GPR83: variants seen among roughly 807,000 people sequenced by gnomAD.
GPR83 encodes G-protein coupled receptor 72.
In GPR83, 23 loss-of-function variants were observed where a neutral mutation model predicts 28.0. The ratio of observed to expected loss-of-function variants is 0.82; its 90% CI spans 0.59 to 1.16. The LOEUF is 1.16. GPR83 is among the 50% of genes most tolerant of loss of function. GPR83 has a pLI of 0.00. For missense variants in GPR83, 610 were observed against 536.6 expected, an observed-to-expected ratio of 1.14 and a Z score of -1.35; for synonymous variants, 234 against 215.4, an observed-to-expected ratio of 1.09 and a Z score of -0.76.
At chr11:94,393,051 T>C (rs1591606725) in intron 3 of GPR83, among the ~76,000 whole-genome samples, 2 of 152,108 alleles carry the variant, frequency 1.3e-5, no homozygotes, top group East Asian at 3.9e-4. Context: ...TGATAGCATA[T>C]GATAAACATA....
chr11:94,398,118 C>T (rs1264549588), intron 1 of GPR83, among the ~76,000 whole-genome samples: 1 of 152,196 alleles, frequency 6.6e-6, no homozygotes, highest in Non-Finnish European at 1.5e-5. Flanking sequence ...TGGGGTACCC[C>T]ATTATCTCTC....
At chr11:94,388,386 C>T (rs1466244934) in intron 3 of GPR83, among the ~76,000 whole-genome samples, 5 of 152,118 alleles carry the variant, frequency 3.3e-5, no homozygotes, top group African/African-American at 4.8e-5. Flanking sequence ...TCAAATTGTC[C>T]CTGTTTGCAG....
chr11:94,401,162 G>T lies in GPR83; in HGVS notation c.86C>A (p.Ala29Glu). The change falls in exon 1 of 4, where the codon GCG becomes GAG. Residue 29 changes from alanine (A) to glutamate (E), a missense_variant. By Grantham distance (107) the Ala-to-Glu change is moderately radical (BLOSUM62 -1). Transcript: ENST00000243673. ...PHEGRADEQSAEAALAVPNAS... is the reference protein window; with the variant it reads ...PHEGRADEQSEEAALAVPNAS... ...ATTGGGCACGGCCAGGGCCGCCTCC[G>T]CGCTCTGCTCGTCGGCCCGGCCCTC... The T allele has an allele frequency of 6.2e-7, 1 of 1,614,098 alleles. No individual in the cohort carries two copies. Among genetic ancestry groups the T allele is most frequent in the South Asian group, 1.1e-5 (1 of 91,076 alleles).
chr11:94,380,428 G>C lies in GPR83; in HGVS notation c.993C>G (p.His331Gln). 7 of 1,614,234 alleles carry C rather than the reference G, an allele frequency of 4.3e-6. No individual in the cohort carries two copies. Among genetic ancestry groups the C allele is most frequent in the Non-Finnish European group, 5.1e-6 (6 of 1,180,038 alleles). ...AGCAGGTGCTGCTCATGGCAAACCAGTGGAAGGCAAAGTAGAGGGCATTGT... is the reference window on the plus strand; with the variant it reads ...AGCAGGTGCTGCTCATGGCAAACCACTGGAAGGCAAAGTAGAGGGCATTGT... ...RTNNALYFAF[H>Q]WFAMSSTCYN... The change falls in exon 4 of 4, where the codon CAC becomes CAG. Residue 331 changes from histidine (H) to glutamine (Q), a missense_variant. Physicochemically the swap from His to Gln is conservative, Grantham distance 24. Coordinates refer to ENST00000243673, the MANE Select transcript of GPR83 (RefSeq NM_016540.4).
rs79774577 is a variant in GPR83 at position 94,401,268 on chromosome 11, C to A, written c.-21G>T. ...ACCATTTTGCAGGAGCCACCCCTCC[C>A]CTGGGAGCCTGCGGGCCGGGCGTCC... On this transcript the variant is annotated 5_prime_UTR_variant, in exon 1 of 4. Coordinates refer to ENST00000243673, the MANE Select transcript of GPR83 (RefSeq NM_016540.4). The A allele has an allele frequency of 6.4e-6, 10 of 1,561,374 alleles. No homozygotes were observed. In the Admixed American group the frequency reaches 1.7e-4, roughly 27 times the overall value.
chr11:94,393,367 G>T (rs1944836090), intron 3 of GPR83, 118 bp downstream of exon 3: 2 of 851,218 alleles, frequency 2.3e-6, no homozygotes, highest in Non-Finnish European at 3.9e-6. Context: ...GACTCAGTAA[G>T]ACAGGTACTA....
chr11:94,400,831 A>C, intron 1 of GPR83, 30 bp downstream of exon 1: 2 of 1,604,608 alleles, frequency 1.2e-6, no homozygotes, highest in Non-Finnish European at 1.7e-6. Flanking sequence ...CGAAGACAGA[A>C]GGTGGGGCGG....
Position 94,379,049 on chromosome 11 carries a change from A to T in GPR83, c.*1100T>A, listed in dbSNP as rs1270922381. On this transcript the variant is annotated 3_prime_UTR_variant, in exon 4 of 4. Coordinates refer to ENST00000243673, the MANE Select transcript of GPR83 (RefSeq NM_016540.4). ...GGGAAAGGTACCCCTGTTTCTGTTA[A>T]TCATTACAATCTAAATGAAAAAGTA... 1 of 152,112 alleles carries T rather than the reference A, an allele frequency of 6.6e-6. No homozygotes were observed. Among genetic ancestry groups the T allele is most frequent in the Non-Finnish European group, 1.5e-5 (1 of 68,058 alleles). 9.4% of individuals were successfully genotyped at this position (152,112 alleles called of 1,614,324 possible). A position where few individuals can be genotyped will look rare whatever the true frequency, so the allele number is the denominator to read the frequency against.
intron 3 of GPR83, among the ~76,000 whole-genome samples, chr11:94,389,212 A>G (rs902729991): frequency 6.6e-6 from 1 of 152,258 alleles, no homozygotes; most frequent in African/African-American, 2.4e-5. Flanking sequence ...ACCTAAAACC[A>G]TAAAAACCCT....
chr11:94,394,184 C>T (rs1340601040), intron 2 of GPR83, among the ~76,000 whole-genome samples: 3 of 152,158 alleles, frequency 2.0e-5, no homozygotes, highest in Admixed American at 1.3e-4. Context: ...GGGACCTGAG[C>T]TCATCTTCCC....
At position 94,393,518 on chromosome 11, in the gene GPR83, G is replaced by A. The variant is rs1479925327; in HGVS notation, c.614C>T (p.Ala205Val). The change falls in exon 3 of 4, where the codon GCT becomes GTT. Residue 205 changes from alanine (A) to valine (V), a missense_variant. By Grantham distance (64) the Ala-to-Val change is moderately conservative. Transcript: ENST00000243673. ...TMATFFSLPH[A>V]ICQKLFTFKY... ...GAAGGTAAATAATTTCTGGCAGATA[G>A]CATGTGGGAGTGAAAAGAACGTAGC... 2 of 1,613,854 alleles carry A rather than the reference G, an allele frequency of 1.2e-6. No homozygotes were observed. The highest frequency in any genetic ancestry group is 1.7e-6 in the Non-Finnish European group (2 of 1,179,848).
chr11:94,388,440 A>G (rs1944781593), intron 3 of GPR83, among the ~76,000 whole-genome samples: 2 of 152,192 alleles, frequency 1.3e-5, no homozygotes, highest in Non-Finnish European at 2.9e-5. Context: ...TCTCAGCCCA[A>G]AATCTCCTTA....
rs183676265 is a variant in GPR83 at position 94,384,545 on chromosome 11, C to T, written c.648-3772G>A. On this transcript the variant is annotated intron_variant, in intron 3 of 3. Coordinates refer to ENST00000243673, the MANE Select transcript of GPR83 (RefSeq NM_016540.4). ...CATGAGCCGAAGCAGGGCAAGGCAT[C>T]GCCTCACCTGGGAAGTGCAAGGGGT... 3.3e-4 allele frequency among the ~76,000 whole-genome samples: 50 copies of T among 152,310 alleles called. No individual in the cohort carries two copies. In the East Asian group the frequency reaches 7.5e-3, roughly 23 times the overall value.
chr11:94,395,154 A>C (rs1944854087), intron 2 of GPR83, among the ~76,000 whole-genome samples: 1 of 152,204 alleles, frequency 6.6e-6, no homozygotes. Context: ...AGATGCTGGA[A>C]TCTCCTCGAA....
At position 94,380,119 on chromosome 11, in the gene GPR83, A is replaced by C; in HGVS notation, c.*30T>G. On this transcript the variant is annotated 3_prime_UTR_variant, in exon 4 of 4. Transcript: ENST00000243673. The stretch of plus-strand genomic sequence containing the variant: ...CTTTCCCTGCCTCAGGTGGAGACAG[A>C]CCCCTCCCACTCCCTCTTCCCAACC... The C allele has an allele frequency of 2.0e-6, 3 of 1,491,806 alleles. No individual in the cohort carries two copies. Among genetic ancestry groups the C allele is most frequent in the Non-Finnish European group, 2.7e-6 (3 of 1,117,482 alleles). 92.4% of individuals were successfully genotyped at this position (1,491,806 alleles called of 1,614,324 possible). A position where few individuals can be genotyped will look rare whatever the true frequency, so the allele number is the denominator to read the frequency against.
intron 3 of GPR83, among the ~76,000 whole-genome samples, chr11:94,384,132 C>G (rs1187193546): frequency 6.6e-6 from 1 of 152,142 alleles, no homozygotes. Context: ...AAAAGCTTAT[C>G]CACCGTGATC....
intron 3 of GPR83, among the ~76,000 whole-genome samples, chr11:94,381,809 C>G (rs550748390): frequency 6.6e-6 from 1 of 152,058 alleles, no homozygotes; most frequent in Non-Finnish European, 1.5e-5. Flanking sequence ...GACTGAGAGA[C>G]GGAGAAATAG....
intron 3 of GPR83, among the ~76,000 whole-genome samples, chr11:94,392,409 A>G (rs1024371559): frequency 6.6e-6 from 1 of 152,102 alleles, no homozygotes; most frequent in African/African-American, 2.4e-5. Context: ...CCACCATGGC[A>G]CGTGTATACC....
chr11:94,387,556 G>A (rs1045858609), intron 3 of GPR83, among the ~76,000 whole-genome samples: 1 of 152,136 alleles, frequency 6.6e-6, no homozygotes, highest in African/African-American at 2.4e-5. Context: ...ACACCTCTAT[G>A]CAAATAAACT....
Sources: allele counts gnomAD v4.1 joint callset (sites outside exome capture counted in the v4.1 genomes callset), GRCh38; gene constraint gnomAD v4.1.1; transcripts MANE v1.5; gene names NCBI Gene and HGNC (gene_info 2026-07-23, HGNC 2026-07-21).